Variants in DNAJC1 observed in about 807,000 individuals in gnomAD.
DNAJC1 encodes the protein dnaJ homolog subfamily C member 1.
Under a neutral mutation model 76.6 loss-of-function variants are expected in DNAJC1, and 58 were observed. The observed-to-expected ratio is 0.76, with a 90% CI of 0.61 to 0.94. DNAJC1 has a LOEUF of 0.94. DNAJC1 is among the 40% of genes least tolerant of loss of function. The pLI, the probability that DNAJC1 is intolerant of heterozygous loss-of-function variation, is 0.00. For synonymous variants in DNAJC1, 258 were observed against 267.9 expected (o/e 0.96, Z 0.36); for missense variants, 689 against 677.3 (o/e 1.02, Z -0.19).
chr10:21,960,146 ACAGATG>A (rs1837762882), intron 1 of DNAJC1, among the ~76,000 whole-genome samples: 1 of 152,194 alleles, frequency 6.6e-6, no homozygotes, highest in Non-Finnish European at 1.5e-5. Context: ...AAAACAAAAA[ACAGATG>A]CAGTTAAAAG....
In DNAJC1 at chr10:21,883,251, A is replaced by AACACACACACACACACACACAC. The variant is rs3032395; in HGVS notation, c.821-834_821-813dup. 2.3e-4 allele frequency among the ~76,000 whole-genome samples: 30 copies of AACACACACACACACACACACAC among 129,024 alleles called. 1 individual carries two copies. The highest frequency in any genetic ancestry group is 3.1e-4 in the Non-Finnish European group (19 of 61,434). 84.6% of individuals were successfully genotyped at this position (129,024 alleles called of 152,430 possible). ...GGTGACAGAGTGAGATTCTATCTCAAACACACACACACACACACACACACA... is the reference window on the plus strand; with the variant it reads ...GGTGACAGAGTGAGATTCTATCTCAAACACACACACACACACACACACACACACACACACACACACACACACA... On this transcript the variant is annotated intron_variant, in intron 7 of 11. Coordinates refer to ENST00000376980, the MANE Select transcript of DNAJC1 (RefSeq NM_022365.4).
intron 1 of DNAJC1, among the ~76,000 whole-genome samples, chr10:21,985,248 CTTT>C (rs1190568148): frequency 9.6e-5 from 13 of 136,092 alleles, no homozygotes; most frequent in South Asian, 9.5e-4. Flanking sequence ...CACTACCCTG[CTTT>C]TTTTTTTTTT....
At chr10:21,944,233 C>T (rs990332525) in intron 1 of DNAJC1, among the ~76,000 whole-genome samples, 1 of 150,748 alleles carries the variant, frequency 6.6e-6, no homozygotes, top group African/African-American at 2.4e-5. Context: ...TGTAAAAAGA[C>T]TGATAAATTC....
intron 1 of DNAJC1, among the ~76,000 whole-genome samples, chr10:21,969,459 A>G (rs966239924): frequency 6.6e-5 from 10 of 152,194 alleles, no homozygotes; most frequent in Admixed American, 5.2e-4. Context: ...GCATAGAGAA[A>G]GACTGCATGT....
chr10:21,918,976 T>C (rs891059235), intron 5 of DNAJC1, 104 bp from the exon 6 acceptor site: 8 of 750,046 alleles, frequency 1.1e-5, no homozygotes, highest in Admixed American at 9.9e-5. Flanking sequence ...CTTTTGTGAA[T>C]GGCTACTTCA....
At chr10:21,838,177 T>C (rs1262888165) in intron 8 of DNAJC1, among the ~76,000 whole-genome samples, 4 of 152,266 alleles carry the variant, frequency 2.6e-5, no homozygotes, top group South Asian at 2.1e-4. Context: ...TTTTGTCGAA[T>C]AGAAAAGGGG....
intron 9 of DNAJC1, among the ~76,000 whole-genome samples, chr10:21,794,395 T>C (rs569371603): frequency 9.9e-4 from 150 of 151,972 alleles, no homozygotes; most frequent in Non-Finnish European, 1.8e-3. Context: ...TAGACAGAAC[T>C]TGTAAAAGCT....
chr10:21,763,565 GTT>G (rs34169717), intron 10 of DNAJC1, among the ~76,000 whole-genome samples: 11 of 127,344 alleles, frequency 8.6e-5, no homozygotes, highest in African/African-American at 1.5e-4. Flanking sequence ...TGTGCAGGTT[GTT>G]TTTTTTTTTT....
intron 8 of DNAJC1, among the ~76,000 whole-genome samples, chr10:21,823,225 T>C (rs1369102960): frequency 6.6e-6 from 1 of 152,220 alleles, no homozygotes; most frequent in Non-Finnish European, 1.5e-5. Flanking sequence ...AGATGAATTA[T>C]GAGCTTAAGA....
chr10:21,845,431 T>G (rs1205502050), intron 8 of DNAJC1, among the ~76,000 whole-genome samples: 1 of 150,608 alleles, frequency 6.6e-6, no homozygotes, highest in East Asian at 2.0e-4. Context: ...CTCGGCTCAC[T>G]GCAACCTCCG....
At chr10:21,814,316 C>A (rs1315439979) in intron 8 of DNAJC1, among the ~76,000 whole-genome samples, 1 of 152,192 alleles carries the variant, frequency 6.6e-6, no homozygotes, top group Non-Finnish European at 1.5e-5. Flanking sequence ...GGTTAGGGGA[C>A]TTCCTTGCCA....
At chr10:21,989,543 C>T (rs975997176) in intron 1 of DNAJC1, among the ~76,000 whole-genome samples, 1 of 152,116 alleles carries the variant, frequency 6.6e-6, no homozygotes, top group African/African-American at 2.4e-5. Context: ...CTACCAAGGC[C>T]TGGGATCACA....
intron 1 of DNAJC1, among the ~76,000 whole-genome samples, chr10:21,965,581 T>A (rs778698237): frequency 6.6e-6 from 1 of 152,158 alleles, no homozygotes; most frequent in Non-Finnish European, 1.5e-5. Context: ...CTAAACAAAC[T>A]CAGACTTGGG....
intron 8 of DNAJC1, among the ~76,000 whole-genome samples, chr10:21,819,804 C>T (rs1203010234): frequency 2.0e-5 from 3 of 151,920 alleles, no homozygotes; most frequent in Non-Finnish European, 4.4e-5. Context: ...GTGGCACATG[C>T]TTGTAATCCC....
At chr10:21,929,018 T>C (rs1785865643) in intron 2 of DNAJC1, 22 bp downstream of exon 2, 4 of 1,417,758 alleles carry the variant, frequency 2.8e-6, no homozygotes, top group Non-Finnish European at 2.0e-6. Context: ...AAAATATATA[T>C]ATAATAGCAT....
At chr10:21,912,527 CCTG>C (rs1836880698) in intron 6 of DNAJC1, among the ~76,000 whole-genome samples, 1 of 152,088 alleles carries the variant, frequency 6.6e-6, no homozygotes, top group Non-Finnish European at 1.5e-5. Context: ...ATCCCTTTGT[CCTG>C]TAGCAGTAGT....
chr10:21,973,540 T>C (rs187298819), intron 1 of DNAJC1, among the ~76,000 whole-genome samples: 1 of 152,252 alleles, frequency 6.6e-6, no homozygotes, highest in African/African-American at 2.4e-5. Flanking sequence ...AATGATAACT[T>C]TTTGCTGAAA....
chr10:21,973,883 G>A (rs1468168397), intron 1 of DNAJC1, among the ~76,000 whole-genome samples: 3 of 151,846 alleles, frequency 2.0e-5, no homozygotes, highest in East Asian at 3.9e-4. Flanking sequence ...AGGGTGGATC[G>A]CCTGAGGTCA....
intron 1 of DNAJC1, among the ~76,000 whole-genome samples, chr10:21,942,546 C>T (rs776139687): frequency 4.0e-5 from 6 of 151,838 alleles, no homozygotes; most frequent in Non-Finnish European, 5.9e-5. Context: ...GTGGCTCACA[C>T]CTGTAATCCC....
Sources: gnomAD v4.1 joint callset for allele counts (sites outside exome capture counted in the v4.1 genomes callset) on GRCh38, gnomAD v4.1.1 for gene constraint, MANE v1.5 for transcripts, NCBI Gene and HGNC (gene_info 2026-07-23, HGNC 2026-07-21) for gene names.